MAPK8IP1: variants seen among roughly 807,000 people sequenced by gnomAD.
MAPK8IP1 encodes the protein mitogen-activated protein kinase 8 interacting protein 1, also known as C-Jun-amino-terminal kinase-interacting protein 1.
A neutral mutation model predicts 72.6 loss-of-function variants in MAPK8IP1; 17 were observed. That is an observed-to-expected ratio of 0.23 (90% CI 0.16 to 0.35). The LOEUF (loss-of-function observed/expected upper bound fraction) is 0.35, where lower values mean the gene tolerates loss of function less well. Ranked by LOEUF, MAPK8IP1 falls within the 10% of genes least tolerant of loss-of-function variation. The pLI, the probability that MAPK8IP1 is intolerant of heterozygous loss-of-function variation, is 1.00. For synonymous variants in MAPK8IP1, 401 were observed against 443.4 expected (o/e 0.90, Z 1.20); for missense variants, 789 against 1,009.7 (o/e 0.78, Z 2.96).
intron 1 of MAPK8IP1, among the ~76,000 whole-genome samples, chr11:45,894,516 C>T (rs751862995): frequency 6.6e-6 from 1 of 152,158 alleles, no homozygotes; most frequent in Non-Finnish European, 1.5e-5. Flanking sequence ...CTGTCCTTGC[C>T]CCACCCAGAC....
chr11:45,896,424 C>A, intron 1 of MAPK8IP1: 1 of 691,806 alleles, frequency 1.4e-6, no homozygotes, highest in Non-Finnish European at 1.8e-6. Context: ...TAAAGCCAAC[C>A]AAGGGCTGGC....
At position 45,900,310 on chromosome 11, in the gene MAPK8IP1, C is replaced by T. The variant is rs898731347; in HGVS notation, c.380C>T (p.Pro127Leu). 8 of 1,399,004 alleles carry T rather than the reference C, an allele frequency of 5.7e-6. No individual in the cohort carries two copies. The African/African-American group carries it at 7.6e-5, about 13-fold the overall frequency. The allele number at this position is 1,399,004 out of a possible 1,614,324, so 86.7% of individuals were successfully genotyped here. A position where few individuals can be genotyped will look rare whatever the true frequency, so the allele number is the denominator to read the frequency against. ...RAARRPGAGP[P>L]KAESGQEPAS... ...GCCCGGCGGCCGGGAGCGGGGCCGC[C>T]CAAGGCCGAGTCCGGCCAGGAGCCG... is the stretch of plus-strand genomic sequence containing the variant. The change falls in exon 3 of 12, where the codon CCC becomes CTC. Residue 127 changes from proline to leucine, a missense_variant. By Grantham distance (98) the Pro-to-Leu change is moderately conservative (BLOSUM62 -3). Transcript: ENST00000241014. The surrounding 1 kb of genome is among the most constrained non-coding windows in gnomAD (Gnocchi z 6.5).
chr11:45,904,622 AG>A lies in MAPK8IP1; in HGVS notation c.1776+60del. 1 of 1,593,746 alleles carries A rather than the reference AG, an allele frequency of 6.3e-7. No homozygotes were observed. Among genetic ancestry groups the A allele is most frequent in the Non-Finnish European group, 8.6e-7 (1 of 1,161,666 alleles). On this transcript the variant is annotated intron_variant, in intron 8 of 11. Transcript: ENST00000241014. This position sits in a 1 kb window ranked among gnomAD's most constrained non-coding sequence, Gnocchi z 6.4. Reference sequence around the variant, plus strand: ...ATGGGTCCCTGGGGCAGAGGGACGCAGGTGTCTAGAGGCAGTAAAGGGCTCA... The same window carrying A: ...ATGGGTCCCTGGGGCAGAGGGACGCAGTGTCTAGAGGCAGTAAAGGGCTCA...
intron 1 of MAPK8IP1, among the ~76,000 whole-genome samples, chr11:45,893,997 AC>A (rs948691964): frequency 2.0e-4 from 31 of 152,100 alleles, no homozygotes; most frequent in African/African-American, 7.5e-4. Flanking sequence ...GTACTCTTTG[AC>A]CAATCAGTCC....
chr11:45,905,151 G>A lies in MAPK8IP1; in HGVS notation c.1965G>A (p.Lys655=). Residue 655 remains lysine, a splice_region_variant and synonymous_variant, in exon 11 of 12, where the codon AAG becomes AAA. Coordinates refer to ENST00000241014, the MANE Select transcript of MAPK8IP1 (RefSeq NM_005456.4). ...AGCACAGACAGACCTGTCCCTGCAGGTACTTTGGGTTCATCACCAAGCACC... is the reference window on the plus strand; with the variant it reads ...AGCACAGACAGACCTGTCCCTGCAGATACTTTGGGTTCATCACCAAGCACC... ...SFCGYHPKNN[K]YFGFITKHPA... 6.2e-7 allele frequency: 1 copy of A among 1,613,836 alleles called. No individual in the cohort carries two copies. The highest frequency in any genetic ancestry group is 8.5e-7 in the Non-Finnish European group (1 of 1,179,950).
Position 45,903,246 on chromosome 11 carries a change from C to A in MAPK8IP1, c.1417+62C>A. ...CCCTAGCGGGGGCAGAGCCAAAATGCGAAGTGTTCTGGGAGGCGACCCCAG... is the reference window on the plus strand; with the variant it reads ...CCCTAGCGGGGGCAGAGCCAAAATGAGAAGTGTTCTGGGAGGCGACCCCAG... On this transcript the variant is annotated intron_variant, in intron 5 of 11. Transcript: ENST00000241014. This position sits in a 1 kb window ranked among gnomAD's most constrained non-coding sequence, Gnocchi z 6.4. 6.3e-7 allele frequency: 1 copy of A among 1,584,190 alleles called. No homozygotes were observed.
chr11:45,891,654 T>C (rs1399503881), intron 1 of MAPK8IP1, among the ~76,000 whole-genome samples: 1 of 152,252 alleles, frequency 6.6e-6, no homozygotes, highest in East Asian at 1.9e-4. Context: ...CTACCCCATC[T>C]CACAACTCTG....
intron 2 of MAPK8IP1, among the ~76,000 whole-genome samples, chr11:45,898,619 A>G (rs953731448): frequency 5.9e-5 from 9 of 152,174 alleles, no homozygotes; most frequent in African/African-American, 1.9e-4. Context: ...GAAACAGCCA[A>G]GGCACCCCTG....
intron 1 of MAPK8IP1, among the ~76,000 whole-genome samples, chr11:45,888,860 C>T (rs769191732): frequency 2.0e-5 from 3 of 152,000 alleles, no homozygotes; most frequent in Admixed American, 6.6e-5. Context: ...CCACCACGCC[C>T]GGCTAATTTT....
At position 45,902,600 on chromosome 11, in the gene MAPK8IP1, C is replaced by T. The variant is rs953076314; in HGVS notation, c.833C>T (p.Thr278Ile). The change falls in exon 5 of 12, where the codon ACT (threonine) becomes ATT (isoleucine). Residue 278 changes from threonine to isoleucine, a missense_variant. Physicochemically the swap from Thr to Ile is moderately conservative, Grantham distance 89. Coordinates refer to ENST00000241014, the MANE Select transcript of MAPK8IP1 (RefSeq NM_005456.4). This position sits in a 1 kb window ranked among gnomAD's most constrained non-coding sequence, Gnocchi z 9.3. ...CAGGCCGATGTGCGACTAGAGGCCA[C>T]TGAGGAGATCTACCTGACCCCAGTG... ...HYQADVRLEA[T>I]EEIYLTPVQR... is the part of the protein sequence containing the mutation. 4.3e-6 allele frequency: 7 copies of T among 1,612,832 alleles called. No homozygotes were observed. The highest frequency in any genetic ancestry group is 5.1e-6 in the Non-Finnish European group (6 of 1,179,936).
In MAPK8IP1 at chr11:45,902,459, C is replaced by T. The variant is rs1207168028; in HGVS notation, c.692C>T (p.Thr231Ile). Reference sequence around the variant, plus strand: ...CCCGCCCCCACCACAGATCGAGGCACCTCCACCGACAGCCCTTGCCGCCGC... The same window carrying T: ...CCCGCCCCCACCACAGATCGAGGCATCTCCACCGACAGCCCTTGCCGCCGC... ...SGPAPTTDRG[T>I]STDSPCRRST... The change falls in exon 5 of 12, where the codon ACC becomes ATC. Residue 231 changes from threonine to isoleucine, a missense_variant. Around this residue, in one of 4 missense-constraint regions of MAPK8IP1, gnomAD observed 377 missense variants for 411.7 expected, o/e 0.92. Coordinates refer to ENST00000241014, the MANE Select transcript of MAPK8IP1 (RefSeq NM_005456.4). The surrounding 1 kb of genome is among the most constrained non-coding windows in gnomAD (Gnocchi z 9.3). The T allele has an allele frequency of 1.2e-6, 2 of 1,600,620 alleles. No homozygotes were observed. The highest frequency in any genetic ancestry group is 1.7e-6 in the Non-Finnish European group (2 of 1,174,608).
intron 3 of MAPK8IP1, 81 bp from the exon 4 acceptor site, chr11:45,901,899 C>G (rs1590787112): frequency 9.4e-7 from 1 of 1,064,912 alleles, no homozygotes; most frequent in East Asian, 2.4e-5. Context: ...TAGGGATGGC[C>G]TGAGGGGGCA....
chr11:45,904,129 T>C lies in MAPK8IP1; in HGVS notation c.1634T>C (p.Ile545Thr), dbSNP rs2086682490. ...ARGVFPAYYAIEVTKEPEHMA... is the reference protein window; with the variant it reads ...ARGVFPAYYATEVTKEPEHMA... ...GGTGTCTTTCCTGCCTATTACGCCA[T>C]CGAGGTCACCAAGGAGCCCGAGCAC... The change falls in exon 7 of 12, where the codon ATC (isoleucine) becomes ACC (threonine). Residue 545 changes from isoleucine (I) to threonine (T), a missense_variant. Ile to Thr is a moderately conservative substitution (Grantham distance 89, BLOSUM62 -1). Coordinates refer to ENST00000241014, the MANE Select transcript of MAPK8IP1 (RefSeq NM_005456.4). The surrounding 1 kb of genome is among the most constrained non-coding windows in gnomAD (Gnocchi z 6.4). 1 of 1,613,922 alleles carries C rather than the reference T, an allele frequency of 6.2e-7. No homozygotes were observed. Among genetic ancestry groups the C allele is most frequent in the East Asian group, 2.2e-5 (1 of 44,892 alleles).
intron 1 of MAPK8IP1, among the ~76,000 whole-genome samples, chr11:45,891,787 T>C (rs1362458719): frequency 3.9e-5 from 6 of 152,240 alleles, no homozygotes; most frequent in East Asian, 1.9e-4. Flanking sequence ...ATAATGTTGA[T>C]TCCAAAAGAC....
At chr11:45,896,488 G>A (rs2086606409) in intron 1 of MAPK8IP1, 3 of 1,011,238 alleles carry the variant, frequency 3.0e-6, no homozygotes, top group East Asian at 7.8e-5. Context: ...CCTGGGCCAG[G>A]GAGGGGGGGC....
At chr11:45,891,565 G>A (rs765437277) in intron 1 of MAPK8IP1, among the ~76,000 whole-genome samples, 1 of 152,162 alleles carries the variant, frequency 6.6e-6, no homozygotes, top group Non-Finnish European at 1.5e-5. Context: ...AGCAGCAGAC[G>A]GGGAGCCCAT....
intron 2 of MAPK8IP1, among the ~76,000 whole-genome samples, chr11:45,899,266 T>A (rs1590785804): frequency 6.6e-6 from 1 of 152,080 alleles, no homozygotes; most frequent in Non-Finnish European, 1.5e-5. Context: ...CCCTGCCCTC[T>A]CCCCCAGCTG....
At position 45,905,181 on chromosome 11, in the gene MAPK8IP1, C is replaced by T. The variant is rs758091837; in HGVS notation, c.1995C>T (p.Ala665=). The part of the protein sequence containing the change: ...KYFGFITKHP[A]DHRFACHVFV... ...TTGGGTTCATCACCAAGCACCCCGCCGACCACCGGTTTGCCTGCCACGTCT... is the reference window on the plus strand; with the variant it reads ...TTGGGTTCATCACCAAGCACCCCGCTGACCACCGGTTTGCCTGCCACGTCT... The change falls in exon 11 of 12, where the codon GCC becomes GCT. Residue 665 remains alanine (A), a synonymous_variant. Coordinates refer to ENST00000241014, the MANE Select transcript of MAPK8IP1 (RefSeq NM_005456.4). 15 of 1,613,486 alleles carry T rather than the reference C, an allele frequency of 9.3e-6. No individual in the cohort carries two copies. The highest frequency in any genetic ancestry group is 6.7e-5 in the Admixed American group (4 of 60,018).
Position 45,905,007 on chromosome 11 carries a change from A to G in MAPK8IP1, c.1930A>G (p.Ile644Val), listed in dbSNP as rs773530672. ...TAGCCACTTTTTCCAGTTAAAAAAC[A>G]TCTCTTTCTGCGGATATCATCCAAA... The part of the protein sequence containing the change: ...KCSHFFQLKN[I>V]SFCGYHPKNN... The change falls in exon 10 of 12, where the codon ATC (isoleucine) becomes GTC (valine). Residue 644 changes from isoleucine (I) to valine (V), a missense_variant. By Grantham distance (29) the Ile-to-Val change is conservative. Transcript: ENST00000241014. 1.1e-5 allele frequency: 17 copies of G among 1,614,056 alleles called. No individual in the cohort carries two copies. The highest frequency in any genetic ancestry group is 9.3e-5 in the African/African-American group (7 of 74,932).
Sources: allele counts gnomAD v4.1 joint callset (sites outside exome capture counted in the v4.1 genomes callset), GRCh38; gene constraint gnomAD v4.1.1; regional missense constraint gnomAD v4.1.1; non-coding constraint Gnocchi (gnomAD v3.1); transcripts MANE v1.5; gene names NCBI Gene and HGNC (gene_info 2026-07-23, HGNC 2026-07-21).